The following TBC1D9 variants were observed in gnomAD, a reference collection of about 807,000 sequenced individuals.
The protein encoded by TBC1D9 is TBC1 domain family member 9.
TBC1D9 carries 63 observed loss-of-function variants against 132.0 expected under a neutral mutation model. That is an observed-to-expected ratio of 0.48 (90% CI 0.39 to 0.59). The LOEUF (loss-of-function observed/expected upper bound fraction) is 0.59. Among genes scored for constraint, TBC1D9 ranks in the 20% least tolerant of loss-of-function variants. The pLI is 0.00. For synonymous variants in TBC1D9, 610 were observed against 609.9 expected (o/e 1.00, Z 0.00); for missense variants, 1,261 against 1,592.7 (o/e 0.79, Z 3.54).
At chr4:140,638,341 A>G (rs1313243641) in intron 15 of TBC1D9, among the ~76,000 whole-genome samples, 2 of 152,054 alleles carry the variant, frequency 1.3e-5, no homozygotes, top group Non-Finnish European at 2.9e-5. Context: ...AAAAAATTGT[A>G]CTTTGCTTTA....
rs750046831 is a variant in TBC1D9 at position 140,661,950 on chromosome 4, T to C, written c.1746A>G (p.Ala582=). 14 of 1,613,928 alleles carry C rather than the reference T, an allele frequency of 8.7e-6. No homozygotes were observed. Among genetic ancestry groups the C allele is most frequent in the South Asian group, 6.6e-5 (6 of 91,090 alleles). The change falls in exon 10 of 21, where the codon GCA becomes GCG. Residue 582 remains alanine (A), a synonymous_variant. Transcript: ENST00000442267. The part of the protein sequence containing the change: ...PAFQNEMGIA[A]LRRVLTAYAF... ...CATAAGCTGTTAAGACTCTCCTTAG[T>C]GCAGCAATGCCCATTTCATTCTGAA...
intron 18 of TBC1D9, among the ~76,000 whole-genome samples, chr4:140,624,879 C>T (rs1736681599): frequency 6.6e-6 from 1 of 152,128 alleles, no homozygotes; most frequent in African/African-American, 2.4e-5. Flanking sequence ...TGGTGAAACC[C>T]TGTTTCTACT....
At chr4:140,634,470 A>G (rs1736846238) in intron 15 of TBC1D9, among the ~76,000 whole-genome samples, 1 of 152,060 alleles carries the variant, frequency 6.6e-6, no homozygotes, top group Admixed American at 6.6e-5. Flanking sequence ...CCCCCACCAC[A>G]TTCTCTTCCC....
chr4:140,661,829 T>C, intron 10 of TBC1D9, 64 bp downstream of exon 10: 3 of 1,392,672 alleles, frequency 2.2e-6, no homozygotes, highest in Non-Finnish European at 3.0e-6. Flanking sequence ...CTTCCCACTA[T>C]TTGCTGCCAA....
At chr4:140,673,318 T>G (rs1737566963) in intron 6 of TBC1D9, among the ~76,000 whole-genome samples, 2 of 152,316 alleles carry the variant, frequency 1.3e-5, no homozygotes, top group South Asian at 4.1e-4. Context: ...CAGTCAATAT[T>G]TCAGCTTATT....
intron 16 of TBC1D9, among the ~76,000 whole-genome samples, chr4:140,630,932 C>A (rs1018559376): frequency 6.6e-6 from 1 of 152,158 alleles, no homozygotes; most frequent in Admixed American, 6.5e-5. Flanking sequence ...TTAACTCTAT[C>A]GTGCAAATAA....
rs187505864 is a variant in TBC1D9, at chr4:140,676,778, C to T, written c.1059+116G>A. ...GAAAGAATGCAGGTGCCACCAAAGA[C>T]GCATGAACATTCACCTGTGTTCAAA... On this transcript the variant is annotated intron_variant, in intron 6 of 20. Coordinates refer to ENST00000442267, the MANE Select transcript of TBC1D9 (RefSeq NM_015130.3). The T allele has an allele frequency of 2.5e-4, 351 of 1,377,716 alleles. 1 individual carries two copies. The African/African-American group carries it at 3.2e-3, about 13-fold the overall frequency. 85.3% of individuals were successfully genotyped at this position (1,377,716 alleles called of 1,614,324 possible). A position where few individuals can be genotyped will look rare whatever the true frequency, so the allele number is the denominator to read the frequency against.
At chr4:140,643,563 G>C in intron 13 of TBC1D9, 1 of 885,284 alleles carries the variant, frequency 1.1e-6, no homozygotes, top group South Asian at 1.6e-5. Flanking sequence ...TTCTAGGCTG[G>C]GCTGGGGCTC....
In TBC1D9 at chr4:140,679,018, T is replaced by G. The variant is rs1180965752; in HGVS notation, c.775A>C (p.Asn259His). 2 of 1,613,856 alleles carry G rather than the reference T, an allele frequency of 1.2e-6. No individual in the cohort carries two copies. The highest frequency in any genetic ancestry group is 2.7e-5 in the African/African-American group (2 of 74,918). The part of the protein sequence containing the change: ...ANIAMRQLLD[N>H]EGFEQDRSLP... ...GATCGATCTTGTTCAAATCCCTCATTGTCTAAGAGTTGCCTCATGGCTATG... is the reference window on the plus strand; with the variant it reads ...GATCGATCTTGTTCAAATCCCTCATGGTCTAAGAGTTGCCTCATGGCTATG... The change falls in exon 5 of 21, where the codon AAT becomes CAT. Residue 259 changes from asparagine to histidine, a missense_variant. Asn to His is a moderately conservative substitution (Grantham distance 68, BLOSUM62 1). This residue lies in a region of TBC1D9 where 550 missense variants were observed against 699.0 expected (regional missense o/e 0.79). Transcript: ENST00000442267.
intron 13 of TBC1D9, among the ~76,000 whole-genome samples, chr4:140,639,725 C>T (rs1418792008): frequency 6.6e-6 from 1 of 152,204 alleles, no homozygotes; most frequent in African/African-American, 2.4e-5. Flanking sequence ...TGAACAAATG[C>T]TTCAAAGAAA....
In TBC1D9 at chr4:140,756,093, C is replaced by T. The variant is rs1739010287; in HGVS notation, c.-48G>A. On this transcript the variant is annotated 5_prime_UTR_variant, in exon 1 of 21. Transcript: ENST00000442267. The surrounding 1 kb of genome is among the most constrained non-coding windows in gnomAD (Gnocchi z 5.6). ...CGCACAATGGGCCCGTGGGTCCAGT[C>T]CTGCACCCACCACCGCGACAGGCGC... 6.7e-7 allele frequency: 1 copy of T among 1,492,456 alleles called. No individual in the cohort carries two copies. Among genetic ancestry groups the T allele is most frequent in the African/African-American group, 1.5e-5 (1 of 68,666 alleles). The allele number at this position is 1,492,456 out of a possible 1,614,324, so 92.5% of individuals were successfully genotyped here. A position where few individuals can be genotyped will look rare whatever the true frequency, so the allele number is the denominator to read the frequency against.
At chr4:140,696,160 A>T (rs1737952651) in intron 2 of TBC1D9, among the ~76,000 whole-genome samples, 2 of 149,530 alleles carry the variant, frequency 1.3e-5, no homozygotes, top group African/African-American at 4.9e-5. Context: ...AACTAACAGA[A>T]GATAAAAAAG....
chr4:140,743,254 T>G (rs1254529430), intron 1 of TBC1D9, among the ~76,000 whole-genome samples: 2 of 152,206 alleles, frequency 1.3e-5, no homozygotes, highest in African/African-American at 4.8e-5. Flanking sequence ...CACATTGCTG[T>G]GAATTAGAGC....
intron 13 of TBC1D9, among the ~76,000 whole-genome samples, chr4:140,649,846 C>T (rs1725669138): frequency 6.6e-6 from 1 of 152,208 alleles, no homozygotes; most frequent in South Asian, 2.1e-4. Flanking sequence ...TTCTAGGGTA[C>T]TCTGATCTCT....
At chr4:140,628,496 G>A (rs1578813032) in intron 16 of TBC1D9, 131 bp from the exon 17 acceptor site, 1 of 801,570 alleles carries the variant, frequency 1.2e-6, no homozygotes, top group Non-Finnish European at 2.1e-6. Context: ...GCCTGGCCAG[G>A]ACCTGTTTGG....
chr4:140,635,094 G>A (rs1736857458), intron 15 of TBC1D9, among the ~76,000 whole-genome samples: 1 of 152,054 alleles, frequency 6.6e-6, no homozygotes, highest in African/African-American at 2.4e-5. Flanking sequence ...GAAAGGAGGA[G>A]CATAAAAAGG....
chr4:140,676,818 A>G (rs943750056), intron 6 of TBC1D9, 76 bp downstream of exon 6: 14 of 1,544,280 alleles, frequency 9.1e-6, no homozygotes, highest in Non-Finnish European at 1.2e-5. Context: ...AATTGTTGGT[A>G]AAAAAATTAT....
chr4:140,709,246 TCTCACACACACACA>T (rs1271046317), intron 1 of TBC1D9, among the ~76,000 whole-genome samples: 12 of 102,382 alleles, frequency 1.2e-4, no homozygotes, highest in African/African-American at 2.3e-4. Context: ...TCTCTCTCTC[TCTCACACACACACA>T]CACACACACA....
chr4:140,725,788 C>A (rs1738493322), intron 1 of TBC1D9, among the ~76,000 whole-genome samples: 1 of 151,972 alleles, frequency 6.6e-6, no homozygotes, highest in Non-Finnish European at 1.5e-5. Context: ...ACAAAGGATT[C>A]AGGGAAGTGT....
Sources: allele counts gnomAD v4.1 joint callset (sites outside exome capture counted in the v4.1 genomes callset), GRCh38; gene constraint gnomAD v4.1.1; regional missense constraint gnomAD v4.1.1; non-coding constraint Gnocchi (gnomAD v3.1); transcripts MANE v1.5; gene names NCBI Gene and HGNC (gene_info 2026-07-23, HGNC 2026-07-21).